Variants in MSRB3 observed in about 807,000 individuals in gnomAD.
MSRB3 encodes methionine-R-sulfoxide reductase B3.
A neutral mutation model predicts 21.0 loss-of-function variants in MSRB3; 13 were observed. That is an observed-to-expected ratio of 0.62 (90% CI 0.40 to 0.98). The LOEUF (loss-of-function observed/expected upper bound fraction) is 0.98. Among genes scored for constraint, MSRB3 ranks in the 50% least tolerant of loss-of-function variants. MSRB3 has a pLI of 0.00. For synonymous variants in MSRB3, 87 were observed against 88.6 expected (o/e 0.98, Z 0.10); for missense variants, 199 against 230.3 (o/e 0.86, Z 0.88).
intron 5 of MSRB3, among the ~76,000 whole-genome samples, chr12:65,423,731 T>C (rs549201796): frequency 2.2e-4 from 33 of 152,316 alleles, no homozygotes; most frequent in African/African-American, 7.9e-4. Flanking sequence ...TTGTTGAATT[T>C]AGTTTTCTAA....
Position 65,351,089 on chromosome 12 carries a change from G to A in MSRB3, c.264-17909G>A, listed in dbSNP as rs572157646. 1.2e-3 allele frequency among the ~76,000 whole-genome samples: 176 copies of A among 152,138 alleles called. 1 individual carries two copies. The highest frequency in any genetic ancestry group is 4.1e-3 in the African/African-American group (169 of 41,492). ...AAAGCTCTCCTCAGCAAATGTAAAA[G>A]GACAGAAATTATAACAAACTATCTC... On this transcript the variant is annotated intron_variant, in intron 4 of 6. Transcript: ENST00000308259.
intron 5 of MSRB3, among the ~76,000 whole-genome samples, chr12:65,392,118 A>T (rs1879514518): frequency 6.6e-6 from 1 of 152,182 alleles, no homozygotes; most frequent in Non-Finnish European, 1.5e-5. Context: ...CATAAAAATT[A>T]TGTGAGGAAT....
At chr12:65,431,339 T>G (rs1277083437) in intron 5 of MSRB3, among the ~76,000 whole-genome samples, 1 of 152,070 alleles carries the variant, frequency 6.6e-6, no homozygotes, top group Non-Finnish European at 1.5e-5. Context: ...AACCTCCTCC[T>G]GTCATGACAG....
rs918094942 is a variant in MSRB3 at position 65,376,256 on chromosome 12, A to G, written c.292+7230A>G. 7.9e-5 allele frequency among the ~76,000 whole-genome samples: 12 copies of G among 151,718 alleles called. No homozygotes were observed. In the East Asian group the frequency reaches 2.1e-3, roughly 27 times the overall value. ...TGCCTCAGCCTCCCGAGTAGCTGGG[A>G]CTACAGGCGCCCACCACTGCGCCCG... On this transcript the variant is annotated intron_variant, in intron 5 of 6. Coordinates refer to ENST00000308259, the MANE Select transcript of MSRB3 (RefSeq NM_001031679.3).
chr12:65,295,635 T>C (rs539156051), intron 1 of MSRB3, among the ~76,000 whole-genome samples: 1 of 152,258 alleles, frequency 6.6e-6, no homozygotes. Flanking sequence ...AAGACTATTA[T>C]ATAACATGTT....
chr12:65,419,746 GC>G, intron 5 of MSRB3: 1 of 1,022,142 alleles, frequency 9.8e-7, no homozygotes, highest in Non-Finnish European at 1.5e-6. Flanking sequence ...CAGGTAGTAG[GC>G]CAGGCGGTCT....
At chr12:65,290,046 T>C (rs190039273) in intron 1 of MSRB3, among the ~76,000 whole-genome samples, 2 of 152,292 alleles carry the variant, frequency 1.3e-5, no homozygotes, top group Non-Finnish European at 2.9e-5. Flanking sequence ...CCTTGGACAT[T>C]TATCCATTAG....
At chr12:65,460,922 A>C (rs953961214) in intron 6 of MSRB3, among the ~76,000 whole-genome samples, 5 of 152,200 alleles carry the variant, frequency 3.3e-5, no homozygotes, top group Non-Finnish European at 7.3e-5. Flanking sequence ...AAGACCATAT[A>C]ACTCATTCTT....
chr12:65,423,885 T>C (rs1881447336), intron 5 of MSRB3, among the ~76,000 whole-genome samples: 1 of 152,190 alleles, frequency 6.6e-6, no homozygotes, highest in African/African-American at 2.4e-5. Flanking sequence ...TCTTCAATTC[T>C]TTGGAAGAGT....
At chr12:65,384,358 T>A (rs1356184222) in intron 5 of MSRB3, among the ~76,000 whole-genome samples, 11 of 152,302 alleles carry the variant, frequency 7.2e-5, no homozygotes, top group Non-Finnish European at 1.5e-5. Flanking sequence ...GATGAAAGCT[T>A]CTATATTTAT....
intron 5 of MSRB3, among the ~76,000 whole-genome samples, chr12:65,420,223 CTT>C (rs1190004470): frequency 6.6e-6 from 1 of 151,992 alleles, no homozygotes; most frequent in Non-Finnish European, 1.5e-5. Flanking sequence ...TAAACTTGGA[CTT>C]TCTATTTTAT....
At chr12:65,391,571 C>A (rs1360349636) in intron 5 of MSRB3, among the ~76,000 whole-genome samples, 1 of 152,132 alleles carries the variant, frequency 6.6e-6, no homozygotes, top group Middle Eastern at 3.2e-3. Flanking sequence ...ACAAGTAATA[C>A]TGTCATATCA....
chr12:65,421,187 G>A (rs971245136), intron 5 of MSRB3, among the ~76,000 whole-genome samples: 1 of 152,018 alleles, frequency 6.6e-6, no homozygotes, highest in African/African-American at 2.4e-5. Context: ...TCTCATTGTG[G>A]TTTTGATTTG....
intron 2 of MSRB3, among the ~76,000 whole-genome samples, chr12:65,314,642 T>A (rs1046757830): frequency 6.6e-6 from 1 of 152,140 alleles, no homozygotes; most frequent in East Asian, 1.9e-4. Context: ...ATATGGTTTG[T>A]TAAGTGTGGA....
intron 4 of MSRB3, among the ~76,000 whole-genome samples, chr12:65,351,084 T>G (rs1224559544): frequency 6.6e-6 from 1 of 151,982 alleles, no homozygotes; most frequent in Non-Finnish European, 1.5e-5. Context: ...TCAGCAAATG[T>G]AAAAGGACAG....
intron 1 of MSRB3, among the ~76,000 whole-genome samples, chr12:65,294,848 C>CA (rs1872864145): frequency 6.6e-6 from 1 of 152,008 alleles, no homozygotes; most frequent in Admixed American, 6.6e-5. Context: ...TGTTTTGAGA[C>CA]AAGGTCTCTG....
intron 4 of MSRB3, among the ~76,000 whole-genome samples, chr12:65,339,324 C>G (rs912560291): frequency 2.6e-5 from 4 of 152,178 alleles, no homozygotes; most frequent in African/African-American, 9.7e-5. Flanking sequence ...AAAAATTCCT[C>G]CAGACATTCT....
intron 5 of MSRB3, among the ~76,000 whole-genome samples, chr12:65,444,329 G>T (rs1001215624): frequency 6.6e-6 from 1 of 152,094 alleles, no homozygotes; most frequent in African/African-American, 2.4e-5. Flanking sequence ...TGGACCACAA[G>T]ATAATTAGGA....
chr12:65,399,636 A>G (rs572688694), intron 5 of MSRB3, among the ~76,000 whole-genome samples: 295 of 152,228 alleles, frequency 1.9e-3, no homozygotes, highest in African/African-American at 6.8e-3. Context: ...TTCCAATACT[A>G]TGTTGAATAG....
Sources: allele counts gnomAD v4.1 joint callset (sites outside exome capture counted in the v4.1 genomes callset), GRCh38; gene constraint gnomAD v4.1.1; transcripts MANE v1.5; gene names NCBI Gene and HGNC (gene_info 2026-07-23, HGNC 2026-07-21).